Variants in SELENOK observed in about 807,000 individuals in gnomAD.
SELENOK encodes selenoprotein K.
In SELENOK, 11 loss-of-function variants were observed where a neutral mutation model predicts 17.3. The observed-to-expected ratio is 0.63, with a 90% confidence interval of 0.40 to 1.05. The LOEUF (loss-of-function observed/expected upper bound fraction) is 1.05, where lower values mean the gene tolerates loss of function less well. Ranked by LOEUF, SELENOK falls within the 50% of genes least tolerant of loss-of-function variation. The pLI is 0.00. For synonymous variants in SELENOK, 45 were observed against 35.4 expected (o/e 1.27, Z -0.97); for missense variants, 125 against 113.9 (o/e 1.10, Z -0.44).
At chr3:53,888,872 C>T (rs574853317) in intron 1 of SELENOK, among the ~76,000 whole-genome samples, 12 of 152,070 alleles carry the variant, frequency 7.9e-5, no homozygotes, top group East Asian at 1.9e-4. Flanking sequence ...CTGGCTAACA[C>T]GGTGAAACCC....
Position 53,884,891 on chromosome 3 carries a change from A to G in SELENOK, c.*667T>C, listed in dbSNP as rs1700113184. The G allele has an allele frequency of 6.6e-6, 1 of 152,224 alleles. No homozygotes were observed. The highest frequency in any genetic ancestry group is 2.4e-5 in the African/African-American group (1 of 41,456). The allele number at this position is 152,224 out of a possible 1,614,324, so 9.4% of individuals were successfully genotyped here. On this transcript the variant is annotated 3_prime_UTR_variant, in exon 5 of 5. Coordinates refer to ENST00000495461, the MANE Select transcript of SELENOK (RefSeq NM_021237.5). ...CGATCTGCCCGCCTCAGCCTCCCAC[A>G]GTGCTGGGATTACAGGCATGAGCCA...
chr3:53,885,795 T>C (rs778836638), intron 4 of SELENOK, 31 bp downstream of exon 4: 2 of 1,532,338 alleles, frequency 1.3e-6, no homozygotes, highest in African/African-American at 2.7e-5. Flanking sequence ...CAAAACAAAA[T>C]CCTACAAAAG....
At chr3:53,888,852 T>G (rs1223526958) in intron 1 of SELENOK, among the ~76,000 whole-genome samples, 1 of 151,992 alleles carries the variant, frequency 6.6e-6, no homozygotes, top group Non-Finnish European at 1.5e-5. Flanking sequence ...GTCAGGAGAT[T>G]GAGACCATCC....
chr3:53,889,899 G>T (rs886313992), intron 1 of SELENOK, among the ~76,000 whole-genome samples: 1 of 152,112 alleles, frequency 6.6e-6, no homozygotes, highest in Non-Finnish European at 1.5e-5. Flanking sequence ...AGCAAAACTG[G>T]ATCTATTTTT....
intron 2 of SELENOK, 96 bp from the exon 3 acceptor site, chr3:53,887,030 T>A (rs1700132826): frequency 1.0e-6 from 1 of 966,868 alleles, no homozygotes; most frequent in South Asian, 1.8e-5. Context: ...GTGAGAGGAT[T>A]ACTAAACCCA....
chr3:53,888,353 A>G (rs1700141439), intron 2 of SELENOK, 40 bp downstream of exon 2: 1 of 1,293,102 alleles, frequency 7.7e-7, no homozygotes, highest in East Asian at 2.3e-5. Context: ...ATACCTGTCA[A>G]CTTAAATATC....
At chr3:53,887,782 C>T (rs575584588) in intron 2 of SELENOK, among the ~76,000 whole-genome samples, 40 of 152,160 alleles carry the variant, frequency 2.6e-4, no homozygotes, top group Non-Finnish European at 5.1e-4. Context: ...CCCTACAGTT[C>T]CCTGATCATG....
intron 1 of SELENOK, among the ~76,000 whole-genome samples, chr3:53,890,145 G>C (rs1700156859): frequency 1.3e-5 from 2 of 152,146 alleles, no homozygotes; most frequent in Admixed American, 6.5e-5. Context: ...GTGCTACTGA[G>C]AGCAAGGGGC....
At chr3:53,890,677 C>T (rs1381609724) in intron 1 of SELENOK, among the ~76,000 whole-genome samples, 23 of 152,168 alleles carry the variant, frequency 1.5e-4, no homozygotes, top group Admixed American at 1.5e-3. Flanking sequence ...TCTGAAAGCG[C>T]CCAAAACTAA....
Position 53,886,847 on chromosome 3 carries a change from G to T in SELENOK, c.194+4C>A. 6.5e-7 allele frequency: 1 copy of T among 1,534,648 alleles called. No individual in the cohort carries two copies. The highest frequency in any genetic ancestry group is 8.8e-7 in the Non-Finnish European group (1 of 1,133,398). On this transcript the variant is annotated splice_donor_region_variant and intron_variant, in intron 3 of 4. Transcript: ENST00000495461. The stretch of plus-strand genomic sequence containing the variant: ...ACAACTATTATCAATTTAAAAAGCT[G>T]TACCCTCTTCCATCATCATATCTGG...
At chr3:53,890,069 G>A (rs1162726803) in intron 1 of SELENOK, among the ~76,000 whole-genome samples, 2 of 152,048 alleles carry the variant, frequency 1.3e-5, no homozygotes. Flanking sequence ...ACTCCATGAG[G>A]GTTTACTTTT....
intron 1 of SELENOK, 87 bp downstream of exon 1, chr3:53,891,683 C>A (rs1424259404): frequency 6.4e-7 from 1 of 1,555,612 alleles, no homozygotes; most frequent in Non-Finnish European, 8.9e-7. Context: ...CCGCACCGGG[C>A]TCAAGACTCA....
Position 53,891,789 on chromosome 3 carries a change from C to T in SELENOK, c.-1G>A. ...ACTTACCGTTCGAGATGTAAACCAT[C>T]TTGTCCCACTTCCCCGCTTCGGAGC... On this transcript the variant is annotated 5_prime_UTR_variant, in exon 1 of 5. Transcript: ENST00000495461. 5 of 1,613,990 alleles carry T rather than the reference C, an allele frequency of 3.1e-6. No homozygotes were observed. The highest frequency in any genetic ancestry group is 4.2e-6 in the Non-Finnish European group (5 of 1,179,826).
rs772508566 is a variant in SELENOK at position 53,888,404 on chromosome 3, A to C, written c.99T>G (p.Phe33Leu). ...ITDFFWGIAE[F>L]VVLFFKTLLQ... is the part of the protein sequence containing the mutation. ...TCTTCTATACTTACAACAAAACCAC[A>C]AACTCAGCTATTCCCCAGAAGAAAT... Residue 33 changes from phenylalanine to leucine, a missense_variant, in exon 2 of 5, where the codon TTT (phenylalanine) becomes TTG (leucine). Phe to Leu is a conservative substitution (Grantham distance 22). Coordinates refer to ENST00000495461, the MANE Select transcript of SELENOK (RefSeq NM_021237.5). 45 of 1,611,348 alleles carry C rather than the reference A, an allele frequency of 2.8e-5. No individual in the cohort carries two copies. The highest frequency in any genetic ancestry group is 3.2e-5 in the Non-Finnish European group (38 of 1,178,222).
chr3:53,885,672 AG>A, intron 4 of SELENOK, 111 bp from the exon 5 acceptor site: 1 of 1,292,968 alleles, frequency 7.7e-7, no homozygotes, highest in Non-Finnish European at 1.1e-6. Context: ...TTTGATAACA[AG>A]GCCAGTGAAT....
intron 3 of SELENOK, among the ~76,000 whole-genome samples, chr3:53,886,548 T>C (rs1326626783): frequency 6.6e-6 from 1 of 152,250 alleles, no homozygotes; most frequent in Non-Finnish European, 1.5e-5. Context: ...TCTAAGTTTT[T>C]AATTAGCAAC....
intron 1 of SELENOK, among the ~76,000 whole-genome samples, chr3:53,889,425 G>A (rs1477107238): frequency 6.6e-6 from 1 of 152,172 alleles, no homozygotes; most frequent in Non-Finnish European, 1.5e-5. Context: ...CATCCATGTT[G>A]CAGTATGTGT....
intron 1 of SELENOK, 114 bp downstream of exon 1, chr3:53,891,656 C>T: frequency 1.4e-6 from 2 of 1,389,296 alleles, no homozygotes; most frequent in Non-Finnish European, 1.0e-6. Context: ...GGCCGCGGGG[C>T]GCTAAGCCCG....
intron 1 of SELENOK, among the ~76,000 whole-genome samples, chr3:53,889,498 C>A (rs1448599276): frequency 2.0e-5 from 3 of 152,184 alleles, no homozygotes; most frequent in African/African-American, 7.2e-5. Context: ...ATTTTGTTTA[C>A]CCACTCATAT....
Sources: allele counts gnomAD v4.1 joint callset (sites outside exome capture counted in the v4.1 genomes callset), GRCh38; gene constraint gnomAD v4.1.1; transcripts MANE v1.5; gene names NCBI Gene and HGNC (gene_info 2026-07-23, HGNC 2026-07-21).